The following VPS53 variants were observed in gnomAD, a reference collection of about 807,000 sequenced individuals.
VPS53 encodes the protein VPS53 subunit of GARP complex.
In VPS53, 70 loss-of-function variants were observed where a neutral mutation model predicts 107.0. The ratio of observed to expected loss-of-function variants is 0.65; its 90% CI spans 0.54 to 0.80. VPS53 has a LOEUF of 0.80. Among genes scored for constraint, VPS53 ranks in the 30% least tolerant of loss-of-function variants. The pLI, the probability that VPS53 is intolerant of heterozygous loss-of-function variation, is 0.00. For missense variants in VPS53, 917 were observed against 1,049.4 expected (o/e 0.87, Z 1.74); for synonymous variants, 409 against 393.3 (o/e 1.04, Z -0.47).
At chr17:542,243 A>G (rs1399989115) in intron 17 of VPS53, among the ~76,000 whole-genome samples, 2 of 152,210 alleles carry the variant, frequency 1.3e-5, no homozygotes, top group Non-Finnish European at 2.9e-5. Context: ...AGTAATAATA[A>G]ATGAGGATGA....
chr17:666,329 G>C (rs1971683037), intron 4 of VPS53, among the ~76,000 whole-genome samples: 1 of 152,170 alleles, frequency 6.6e-6, no homozygotes, highest in Admixed American at 6.5e-5. Flanking sequence ...AGAAGTGTTT[G>C]AAGGAGAAGG....
intron 17 of VPS53, among the ~76,000 whole-genome samples, chr17:546,469 T>A (rs888956593): frequency 3.3e-5 from 5 of 152,054 alleles, no homozygotes; most frequent in Non-Finnish European, 7.4e-5. Context: ...AAATTTCATA[T>A]CTGATAAGGG....
At chr17:642,689 C>T (rs1359208750) in intron 7 of VPS53, among the ~76,000 whole-genome samples, 18 of 147,040 alleles carry the variant, frequency 1.2e-4, no homozygotes, top group Non-Finnish European at 1.6e-4. Flanking sequence ...ACTTGGCAAC[C>T]GAGGACAACA....
intron 4 of VPS53, among the ~76,000 whole-genome samples, chr17:662,793 AAG>A (rs1166208404): frequency 1.4e-5 from 2 of 143,328 alleles, no homozygotes; most frequent in South Asian, 2.3e-4. Context: ...GAAAAAAAGA[AAG>A]AGAAAGAAAG....
chr17:534,230 T>C (rs1021039388), intron 18 of VPS53, among the ~76,000 whole-genome samples: 1 of 152,214 alleles, frequency 6.6e-6, no homozygotes, highest in Non-Finnish European at 1.5e-5. Context: ...ACCACTATTA[T>C]GAGATTTGTC....
intron 2 of VPS53, among the ~76,000 whole-genome samples, chr17:709,412 C>T (rs330998): frequency 0.99 from 150,928 of 152,362 alleles, 74,775 homozygotes; most frequent in Middle Eastern, 1. Context: ...ATTTAATAAA[C>T]GACTGCTACG....
chr17:643,280 T>G lies in VPS53; in HGVS notation c.608+10011A>C, dbSNP rs201388793. 1.8e-3 allele frequency among the ~76,000 whole-genome samples: 75 copies of G among 40,662 alleles called. 4 individuals are homozygous for G. Among genetic ancestry groups the G allele is most frequent in the Non-Finnish European group, 3.7e-3 (47 of 12,840 alleles). The allele number at this position is 40,662 out of a possible 152,430, so 26.7% of individuals were successfully genotyped here. On this transcript the variant is annotated intron_variant, in intron 7 of 21. Coordinates refer to ENST00000437048, the MANE Select transcript of VPS53 (RefSeq NM_001128159.3). Reference sequence around the variant, plus strand: ...GGAAAGTGAGGACAACACTCATACTTGGAAAGTGAGGACAACACTCATACT... The same window carrying G: ...GGAAAGTGAGGACAACACTCATACTGGGAAAGTGAGGACAACACTCATACT...
At chr17:602,914 T>C (rs1968393033) in intron 11 of VPS53, among the ~76,000 whole-genome samples, 1 of 152,064 alleles carries the variant, frequency 6.6e-6, no homozygotes, top group Admixed American at 6.6e-5. Context: ...GACTGCTTGG[T>C]GCTGGGGACG....
chr17:628,177 G>A lies in VPS53; in HGVS notation c.742C>T (p.Leu248=). ...LRDACLVANI[L]DPRIKQEIIK... is the part of the protein sequence containing the mutation. ...ATTTCCTGTTTGATCCTGGGATCTA[G>A]AATATTAGCAACCAGACATGCATCT... Residue 248 remains leucine, a synonymous_variant, in exon 9 of 22, where the codon CTA becomes TTA. Coordinates refer to ENST00000437048, the MANE Select transcript of VPS53 (RefSeq NM_001128159.3). 1 of 1,614,040 alleles carries A rather than the reference G, an allele frequency of 6.2e-7. No homozygotes were observed. Among genetic ancestry groups the A allele is most frequent in the Non-Finnish European group, 8.5e-7 (1 of 1,179,974 alleles).
chr17:527,529 C>A (rs1257917473), intron 19 of VPS53, among the ~76,000 whole-genome samples: 1 of 152,194 alleles, frequency 6.6e-6, no homozygotes, highest in Non-Finnish European at 1.5e-5. Flanking sequence ...TCCAATGTGG[C>A]TGGGCTAACT....
In VPS53 at chr17:699,390, AGAAG is replaced by A. The variant is rs1973111988; in HGVS notation, c.169-14_169-11del. ...CTATGTTCGCCAGAGACTACAATAA[AGAAG>A]GAAGAGTGCCCAGCTGTTAGTCCAC... is the stretch of plus-strand genomic sequence containing the variant. On this transcript the variant is annotated splice_polypyrimidine_tract_variant and intron_variant, in intron 2 of 21. Transcript: ENST00000437048. 18 of 1,554,574 alleles carry A rather than the reference AGAAG, an allele frequency of 1.2e-5. No homozygotes were observed. Among genetic ancestry groups the A allele is most frequent in the Middle Eastern group, 1.7e-4 (1 of 5,900 alleles).
intron 7 of VPS53, among the ~76,000 whole-genome samples, chr17:648,795 G>A (rs1970812429): frequency 7.3e-6 from 1 of 137,540 alleles, no homozygotes; most frequent in African/African-American, 2.6e-5. Flanking sequence ...GGAGGACAGA[G>A]GAATGGAACA....
chr17:629,931 A>G (rs1240749748), intron 8 of VPS53, among the ~76,000 whole-genome samples: 1 of 152,116 alleles, frequency 6.6e-6, no homozygotes, highest in African/African-American at 2.4e-5. Context: ...CTGGGAAAAA[A>G]AATATAAAGC....
At chr17:531,052 G>A (rs747984859) in intron 19 of VPS53, among the ~76,000 whole-genome samples, 6 of 152,236 alleles carry the variant, frequency 3.9e-5, no homozygotes, top group Non-Finnish European at 8.8e-5. Flanking sequence ...CACTACTGGA[G>A]GCAGCGTCTG....
At chr17:696,869 T>C (rs998944466) in intron 4 of VPS53, among the ~76,000 whole-genome samples, 5 of 143,412 alleles carry the variant, frequency 3.5e-5, no homozygotes, top group African/African-American at 1.3e-4. Flanking sequence ...CTCGCCTCAC[T>C]GCAACCTCTG....
intron 13 of VPS53, among the ~76,000 whole-genome samples, chr17:579,640 C>T (rs951390873): frequency 1.3e-5 from 2 of 151,888 alleles, no homozygotes; most frequent in Admixed American, 1.3e-4. Context: ...AGAGAACTTC[C>T]CTCAGAACCT....
chr17:600,530 A>C (rs1053030986), intron 12 of VPS53, among the ~76,000 whole-genome samples: 7 of 152,244 alleles, frequency 4.6e-5, no homozygotes, highest in Non-Finnish European at 8.8e-5. Flanking sequence ...GCTTTAAATC[A>C]ACTGCATCTA....
chr17:625,653 G>A (rs1047261270), intron 10 of VPS53, among the ~76,000 whole-genome samples: 5 of 152,168 alleles, frequency 3.3e-5, no homozygotes, highest in Middle Eastern at 3.2e-3. Context: ...ACGTGGGGCC[G>A]GGAGCACCTG....
intron 13 of VPS53, among the ~76,000 whole-genome samples, chr17:574,491 G>A (rs565808107): frequency 1.3e-5 from 2 of 152,270 alleles, no homozygotes; most frequent in Admixed American, 6.5e-5. Context: ...TTGGCTGGGC[G>A]CGGTGGCTCA....
Sources: allele counts gnomAD v4.1 joint callset (sites outside exome capture counted in the v4.1 genomes callset), GRCh38; gene constraint gnomAD v4.1.1; transcripts MANE v1.5; gene names NCBI Gene and HGNC (gene_info 2026-07-23, HGNC 2026-07-21).